LINC00305: variants seen among roughly 807,000 people sequenced by gnomAD.
LINC00305 encodes the protein long independently transcribed non-coding RNA 305.
At chr18:64,096,411 T>G (rs963535733) in intron 3 of LINC00305, among the ~76,000 whole-genome samples, 4 of 151,844 alleles carry the variant, frequency 2.6e-5, no homozygotes, top group Admixed American at 2.6e-4. Flanking sequence ...AAAAAGTGAC[T>G]TAACTAGACT....
chr18:64,120,653 C>G (rs532460167), intron 1 of LINC00305, among the ~76,000 whole-genome samples: 31 of 152,192 alleles, frequency 2.0e-4, no homozygotes, highest in Middle Eastern at 3.4e-3. Context: ...AAAGTTGTAG[C>G]CTTTTCAATC....
intron 1 of LINC00305, among the ~76,000 whole-genome samples, chr18:64,105,594 G>A (rs769880840): frequency 7.2e-5 from 11 of 152,134 alleles, no homozygotes; most frequent in African/African-American, 9.7e-5. Context: ...GTGTGTGTAC[G>A]TGTGTGTAGA....
chr18:64,134,192 C>T (rs1258148698), intron 1 of LINC00305, among the ~76,000 whole-genome samples: 1 of 152,082 alleles, frequency 6.6e-6, no homozygotes, highest in South Asian at 2.1e-4. Context: ...GTAAATTCGT[C>T]ACTTTTAGGG....
chr18:64,096,024 G>C (rs2051243693), intron 3 of LINC00305, among the ~76,000 whole-genome samples: 1 of 151,692 alleles, frequency 6.6e-6, no homozygotes, highest in South Asian at 2.1e-4. Flanking sequence ...GTTCTGTAAT[G>C]GTCCTGATAA....
chr18:64,086,910 T>G (rs1415965976), intron 3 of LINC00305, among the ~76,000 whole-genome samples: 1 of 152,162 alleles, frequency 6.6e-6, no homozygotes. Context: ...TCTTTCCATG[T>G]AAAATGTCAC....
chr18:64,144,871 A>G (rs2051489578), intron 1 of LINC00305, among the ~76,000 whole-genome samples: 1 of 152,118 alleles, frequency 6.6e-6, no homozygotes, highest in Non-Finnish European at 1.5e-5. Flanking sequence ...CACATCACCA[A>G]GATTCCTATC....
At chr18:64,125,916 A>T (rs566684657) in intron 1 of LINC00305, among the ~76,000 whole-genome samples, 1 of 151,962 alleles carries the variant, frequency 6.6e-6, no homozygotes, top group Non-Finnish European at 1.5e-5. Flanking sequence ...TTGTCCCTCT[A>T]CTGTGAGATC....
chr18:64,131,757 G>C (rs1409552703), intron 1 of LINC00305, among the ~76,000 whole-genome samples: 1 of 152,178 alleles, frequency 6.6e-6, no homozygotes, highest in Non-Finnish European at 1.5e-5. Flanking sequence ...TTAGGGATTT[G>C]GTGCAACAAG....
chr18:64,147,036 C>A (rs940389048), intron 1 of LINC00305, among the ~76,000 whole-genome samples: 6 of 152,178 alleles, frequency 3.9e-5, no homozygotes, highest in African/African-American at 1.4e-4. Flanking sequence ...AAAAAGTACA[C>A]ATACAAATTG....
chr18:64,093,977 C>A (rs772577426), intron 3 of LINC00305, among the ~76,000 whole-genome samples: 1 of 151,758 alleles, frequency 6.6e-6, no homozygotes, highest in Non-Finnish European at 1.5e-5. Context: ...CCATCAGTTG[C>A]GAAAAAAAGG....
At chr18:64,142,801 A>G (rs2051470625) in intron 1 of LINC00305, among the ~76,000 whole-genome samples, 1 of 152,178 alleles carries the variant, frequency 6.6e-6, no homozygotes, top group Admixed American at 6.5e-5. Flanking sequence ...AGTAGTTGAA[A>G]GCAACTTAGT....
At chr18:64,107,467 A>G (rs1329622248) in intron 1 of LINC00305, among the ~76,000 whole-genome samples, 1 of 152,228 alleles carries the variant, frequency 6.6e-6, no homozygotes, top group Non-Finnish European at 1.5e-5. Flanking sequence ...TTCAAGCTTC[A>G]GATGCTGGAG....
At chr18:64,081,922 A>T (rs1000509836) in intron 3 of LINC00305, among the ~76,000 whole-genome samples, 1 of 152,150 alleles carries the variant, frequency 6.6e-6, no homozygotes, top group Non-Finnish European at 1.5e-5. Context: ...AAATGAAAAA[A>T]CAGCATGGCT....
At chr18:64,093,293 T>C (rs1962186053) in intron 3 of LINC00305, among the ~76,000 whole-genome samples, 1 of 152,228 alleles carries the variant, frequency 6.6e-6, no homozygotes, top group South Asian at 2.1e-4. Flanking sequence ...ACTTAGCTGC[T>C]CTGGTTAGCA....
intron 1 of LINC00305, among the ~76,000 whole-genome samples, chr18:64,116,237 A>G (rs958337206): frequency 4.6e-5 from 7 of 152,252 alleles, no homozygotes; most frequent in Non-Finnish European, 1.0e-4. Flanking sequence ...AGGATGAATC[A>G]GTTTACAACA....
chr18:64,116,143 TA>T (rs1355069098), intron 1 of LINC00305, among the ~76,000 whole-genome samples: 1 of 152,240 alleles, frequency 6.6e-6, no homozygotes. Flanking sequence ...CTTCCTTGCC[TA>T]TGTGATTATG....
rs77025560 is a variant in LINC00305 at position 64,102,933 on chromosome 18, G to A, written n.315-4293C>T. Among the ~76,000 whole-genome samples, 691 of 152,258 alleles carry A rather than the reference G, an allele frequency of 4.5e-3. 6 individuals carry two copies. Among genetic ancestry groups the A allele is most frequent in the African/African-American group, 0.016 (663 of 41,534 alleles). On this transcript the variant is annotated intron_variant and non_coding_transcript_variant, in intron 1 of 3. Coordinates refer to ENST00000666468, the Ensembl canonical transcript of LINC00305. ...CCAACATTGGAGATTGCATCTGAACGTGAGATTTGGTTGGGGACACAGATC... is the reference window on the plus strand; with the variant it reads ...CCAACATTGGAGATTGCATCTGAACATGAGATTTGGTTGGGGACACAGATC...
intron 3 of LINC00305, among the ~76,000 whole-genome samples, chr18:64,084,048 G>A (rs1301066763): frequency 6.6e-6 from 1 of 152,180 alleles, no homozygotes; most frequent in African/African-American, 2.4e-5. Context: ...CAGGCTGTTA[G>A]TGGAAGCACC....
chr18:64,112,397 C>A (rs2051318816), intron 1 of LINC00305, among the ~76,000 whole-genome samples: 1 of 150,048 alleles, frequency 6.7e-6, no homozygotes, highest in Non-Finnish European at 1.5e-5. Context: ...GAACATCTAT[C>A]ATAGGATGTT....
Sources: allele counts gnomAD v4.1 joint callset (sites outside exome capture counted in the v4.1 genomes callset), GRCh38; gene constraint gnomAD v4.1.1; transcripts MANE v1.5; gene names NCBI Gene and HGNC (gene_info 2026-07-23, HGNC 2026-07-21).